ADAMTS18: variants seen among roughly 807,000 people sequenced by gnomAD.
ADAMTS18 encodes A disintegrin and metalloproteinase with thrombospondin motifs 18.
A neutral mutation model predicts 165.9 loss-of-function variants in ADAMTS18; 157 were observed. The ratio of observed to expected loss-of-function variants is 0.95; its 90% CI spans 0.83 to 1.08. The LOEUF is 1.08. Among genes scored for constraint, ADAMTS18 ranks in the 50% least tolerant of loss-of-function variants. ADAMTS18 has a pLI of 0.00. For missense variants in ADAMTS18, 2,040 were observed against 1,534.0 expected (o/e 1.33, Z -5.51); for synonymous variants, 782 against 578.2 (o/e 1.35, Z -5.06).
At chr16:77,364,160 C>A (rs772848496) in intron 5 of ADAMTS18, 28 bp downstream of exon 5, 1 of 1,613,670 alleles carries the variant, frequency 6.2e-7, no homozygotes, top group East Asian at 2.2e-5. Context: ...CTTTGGAGAG[C>A]CAGAAGGTTT....
intron 3 of ADAMTS18, among the ~76,000 whole-genome samples, chr16:77,404,009 C>G (rs1181935927): frequency 6.8e-6 from 1 of 146,388 alleles, no homozygotes; most frequent in Non-Finnish European, 1.5e-5. Context: ...TCCTCCCTCC[C>G]TCCCTCCCTC....
intron 11 of ADAMTS18, among the ~76,000 whole-genome samples, chr16:77,338,094 G>C (rs1412890027): frequency 3.3e-5 from 5 of 152,050 alleles, no homozygotes; most frequent in African/African-American, 9.7e-5. Context: ...AGCAGAGACA[G>C]GGTTTCACCA....
chr16:77,426,533 A>C (rs1294436800), intron 3 of ADAMTS18, among the ~76,000 whole-genome samples: 1 of 152,170 alleles, frequency 6.6e-6, no homozygotes, highest in African/African-American at 2.4e-5. Context: ...TACTGTGTAA[A>C]CTCCTTGTTT....
intron 3 of ADAMTS18, among the ~76,000 whole-genome samples, chr16:77,417,753 A>C (rs1035014674): frequency 3.3e-5 from 5 of 152,246 alleles, no homozygotes; most frequent in African/African-American, 1.2e-4. Context: ...AATAATAATC[A>C]TCATCATAAT....
Position 77,293,090 on chromosome 16 carries a change from A to C in ADAMTS18, c.3175T>G (p.Ser1059Ala). Reference sequence around the variant, plus strand: ...CTAATCCATACCTCGCTCCACGAAGAAGCGACCCACTGTAGCCGGCTGTTC... The same window carrying C: ...CTAATCCATACCTCGCTCCACGAAGCAGCGACCCACTGTAGCCGGCTGTTC... ...PKNSRLQWVASSWSECSATCG... is the reference protein window; with the variant it reads ...PKNSRLQWVAASWSECSATCG... The change falls in exon 20 of 23, where the codon TCT becomes GCT. Residue 1059 changes from serine to alanine, a missense_variant. Ser to Ala is a moderately conservative substitution (Grantham distance 99, BLOSUM62 1). Coordinates refer to ENST00000282849, the MANE Select transcript of ADAMTS18 (RefSeq NM_199355.4). 2 of 1,614,040 alleles carry C rather than the reference A, an allele frequency of 1.2e-6. No homozygotes were observed. Among genetic ancestry groups the C allele is most frequent in the Non-Finnish European group, 1.7e-6 (2 of 1,179,984 alleles).
At chr16:77,359,997 C>T (rs2056689213) in intron 7 of ADAMTS18, among the ~76,000 whole-genome samples, 1 of 152,172 alleles carries the variant, frequency 6.6e-6, no homozygotes. Flanking sequence ...CTCTAAGAGC[C>T]ATTATAAAAG....
rs1047569647 is a variant in ADAMTS18, at chr16:77,434,892, G to C, written c.-197C>G. ...CCGCCTGCGCGCCCTCCCTTCTCCC[G>C]GCGCGGGCCTGCCGAGCTGCAGTTT... On this transcript the variant is annotated 5_prime_UTR_variant, in exon 1 of 23. Coordinates refer to ENST00000282849, the MANE Select transcript of ADAMTS18 (RefSeq NM_199355.4). 1.4e-5 allele frequency: 6 copies of C among 427,266 alleles called. No individual in the cohort carries two copies. The highest frequency in any genetic ancestry group is 2.4e-5 in the Non-Finnish European group (6 of 252,950). The allele number at this position is 427,266 out of a possible 1,614,324, so 26.5% of individuals were successfully genotyped here.
chr16:77,349,335 G>A (rs2056521621), intron 10 of ADAMTS18, among the ~76,000 whole-genome samples: 1 of 151,854 alleles, frequency 6.6e-6, no homozygotes, highest in Non-Finnish European at 1.5e-5. Flanking sequence ...GAGATTCCTA[G>A]TGAGCTGTTA....
chr16:77,360,587 T>C (rs1008203770), intron 7 of ADAMTS18, among the ~76,000 whole-genome samples: 9 of 121,032 alleles, frequency 7.4e-5, no homozygotes, highest in African/African-American at 2.4e-4. Flanking sequence ...TTGAAAACAA[T>C]GCACTGGATT....
At chr16:77,315,109 A>C (rs1390736122) in intron 16 of ADAMTS18, among the ~76,000 whole-genome samples, 1 of 152,022 alleles carries the variant, frequency 6.6e-6, no homozygotes, top group Non-Finnish European at 1.5e-5. Flanking sequence ...AGTGCTACTT[A>C]ATCACTACTC....
intron 3 of ADAMTS18, among the ~76,000 whole-genome samples, chr16:77,376,875 G>C (rs965731154): frequency 6.8e-5 from 10 of 147,908 alleles, no homozygotes; most frequent in African/African-American, 1.0e-4. Flanking sequence ...AGTGCAGTGG[G>C]GTGATCTCAG....
At chr16:77,338,619 G>A (rs1347947953) in intron 11 of ADAMTS18, among the ~76,000 whole-genome samples, 1 of 151,950 alleles carries the variant, frequency 6.6e-6, no homozygotes, top group African/African-American at 2.4e-5. Context: ...TAGACAGCAT[G>A]TACAAACCTT....
chr16:77,412,391 T>C (rs1378926298), intron 3 of ADAMTS18, among the ~76,000 whole-genome samples: 1 of 152,082 alleles, frequency 6.6e-6, no homozygotes. Context: ...AGTGGCACTA[T>C]CATACTCACG....
chr16:77,429,783 T>C (rs368760395), intron 3 of ADAMTS18, among the ~76,000 whole-genome samples: 1 of 152,110 alleles, frequency 6.6e-6, no homozygotes, highest in African/African-American at 2.4e-5. Context: ...TTGCTGAAAA[T>C]AGAACAGCTA....
Position 77,356,186 on chromosome 16 carries a change from AC to A in ADAMTS18, c.1323-110del. The A allele has an allele frequency of 1.1e-5, 16 of 1,427,702 alleles. No individual in the cohort carries two copies. In the South Asian group the frequency reaches 1.9e-4, roughly 17 times the overall value. 88.4% of individuals were successfully genotyped at this position (1,427,702 alleles called of 1,614,324 possible). Reference sequence around the variant, plus strand: ...GATCATCAACAAAACCAAGTGAGAGACAGAGTTATTAAAACTGGAAAAGAGA... The same window carrying A: ...GATCATCAACAAAACCAAGTGAGAGAAGAGTTATTAAAACTGGAAAAGAGA... On this transcript the variant is annotated intron_variant, in intron 8 of 22. Transcript: ENST00000282849.
At chr16:77,316,721 G>T (rs1032235143) in intron 16 of ADAMTS18, among the ~76,000 whole-genome samples, 1 of 152,164 alleles carries the variant, frequency 6.6e-6, no homozygotes, top group Non-Finnish European at 1.5e-5. Context: ...CCAGGCTGGA[G>T]TGCAGTGGTG....
intron 7 of ADAMTS18, among the ~76,000 whole-genome samples, chr16:77,359,775 G>A (rs528260071): frequency 9.2e-5 from 14 of 152,220 alleles, no homozygotes; most frequent in African/African-American, 1.4e-4. Context: ...TCAGAGCAAC[G>A]GATAGAATGA....
intron 12 of ADAMTS18, among the ~76,000 whole-genome samples, chr16:77,334,494 A>T (rs1312583758): frequency 1.8e-5 from 2 of 112,138 alleles, no homozygotes; most frequent in Non-Finnish European, 3.3e-5. Context: ...ATTATATAGT[A>T]TATATACTGT....
intron 18 of ADAMTS18, among the ~76,000 whole-genome samples, chr16:77,296,543 C>T (rs2055476042): frequency 6.6e-6 from 1 of 152,058 alleles, no homozygotes; most frequent in Non-Finnish European, 1.5e-5. Context: ...AATCCCTATG[C>T]AAAGGTTAAA....
Sources: allele counts gnomAD v4.1 joint callset (sites outside exome capture counted in the v4.1 genomes callset), GRCh38; gene constraint gnomAD v4.1.1; transcripts MANE v1.5; gene names NCBI Gene and HGNC (gene_info 2026-07-23, HGNC 2026-07-21).